CPS1: variants seen among roughly 807,000 people sequenced by gnomAD.
The protein encoded by CPS1 is carbamoyl-phosphate synthase [ammonia], mitochondrial.
CPS1 carries 109 observed loss-of-function variants against 174.6 expected under a neutral mutation model. That is an observed-to-expected ratio of 0.62 (90% CI 0.53 to 0.73). CPS1 has a LOEUF of 0.73. CPS1 is among the 30% of genes least tolerant of loss of function. The probability of loss-of-function intolerance (pLI) is 0.00; values close to 1 mark genes in which losing one functional copy is unlikely to be tolerated. For missense variants in CPS1, 1,689 were observed against 1,821.9 expected, an observed-to-expected ratio of 0.93 and a Z score of 1.33; for synonymous variants, 637 against 632.0, an observed-to-expected ratio of 1.01 and a Z score of -0.12.
intron 1 of CPS1, among the ~76,000 whole-genome samples, chr2:210,558,425 A>G (rs1199865427): frequency 3.9e-5 from 6 of 152,088 alleles, no homozygotes; most frequent in Non-Finnish European, 8.8e-5. Context: ...ATTCTAAACT[A>G]ACATCAAAGA....
intron 3 of CPS1, 21 bp from the exon 4 acceptor site, chr2:210,577,400 A>G: frequency 6.3e-7 from 1 of 1,585,906 alleles, no homozygotes; most frequent in Non-Finnish European, 8.7e-7. Context: ...ACCTCTTTAA[A>G]ATGACTGTCT....
chr2:210,520,167 T>A (rs1451890395), intron 1 of CPS1, among the ~76,000 whole-genome samples: 1 of 152,086 alleles, frequency 6.6e-6, no homozygotes, highest in East Asian at 1.9e-4. Flanking sequence ...TTTAGAAAGT[T>A]TATTAATGTA....
chr2:210,659,298 G>A (rs534999044), intron 31 of CPS1, among the ~76,000 whole-genome samples: 7 of 152,280 alleles, frequency 4.6e-5, no homozygotes, highest in Non-Finnish European at 7.4e-5. Context: ...ATGGTGGAGA[G>A]TGGCAAGGGA....
At chr2:210,555,662 C>G (rs1479597242), upstream of CPS1, 1 of 455,592 alleles carries the variant, frequency 2.2e-6, no homozygotes, top group Admixed American at 2.4e-5. Context: ...AGGTATGAGT[C>G]TATTGCCTTT....
At chr2:210,477,743 A>T in exon 1 of CPS1, 2 of 1,613,352 alleles carry the variant, frequency 1.2e-6, no homozygotes, top group Non-Finnish European at 1.7e-6. Flanking sequence ...CATCAAATTC[A>T]TGAAGATTTA....
At chr2:210,651,516 G>T (rs1307645876) in intron 28 of CPS1, among the ~76,000 whole-genome samples, 1 of 152,144 alleles carries the variant, frequency 6.6e-6, no homozygotes, top group Non-Finnish European at 1.5e-5. Flanking sequence ...CCTGGCCAGG[G>T]GTCCTGCCAT....
At chr2:210,652,694 G>C (rs1158849008) in intron 28 of CPS1, among the ~76,000 whole-genome samples, 2 of 152,184 alleles carry the variant, frequency 1.3e-5, no homozygotes, top group Non-Finnish European at 1.5e-5. Flanking sequence ...AGGAATCCAA[G>C]TGGATATGAT....
At chr2:210,634,631 C>T (rs1014311196) in intron 21 of CPS1, among the ~76,000 whole-genome samples, 1 of 152,140 alleles carries the variant, frequency 6.6e-6, no homozygotes, top group Non-Finnish European at 1.5e-5. Context: ...AACTTGTGCA[C>T]ACTTCTCCCA....
intron 17 of CPS1, among the ~76,000 whole-genome samples, chr2:210,606,237 G>A (rs1334910559): frequency 6.6e-6 from 1 of 151,838 alleles, no homozygotes; most frequent in African/African-American, 2.4e-5. Context: ...AGCTTTGTAT[G>A]GTTGTCTGGC....
intron 1 of CPS1, among the ~76,000 whole-genome samples, chr2:210,481,773 T>C (rs1338982621): frequency 6.6e-6 from 1 of 152,272 alleles, no homozygotes; most frequent in Non-Finnish European, 1.5e-5. Context: ...TGAGTAACTG[T>C]AAGTAGAATG....
intron 1 of CPS1, among the ~76,000 whole-genome samples, chr2:210,491,994 G>C (rs968218457): frequency 6.6e-5 from 10 of 152,192 alleles, no homozygotes; most frequent in African/African-American, 2.4e-4. Context: ...ACTATTGTAA[G>C]GGAGTTGCTA....
At chr2:210,601,256 A>C (rs1415254623) in intron 15 of CPS1, among the ~76,000 whole-genome samples, 3 of 151,906 alleles carry the variant, frequency 2.0e-5, no homozygotes, top group African/African-American at 7.2e-5. Flanking sequence ...AACAGTTACC[A>C]GGAAAAAGAA....
At chr2:210,503,063 T>G (rs1278514427) in intron 1 of CPS1, among the ~76,000 whole-genome samples, 1 of 152,202 alleles carries the variant, frequency 6.6e-6, no homozygotes, top group African/African-American at 2.4e-5. Flanking sequence ...TTGGCTTTGC[T>G]AAGGTATCTC....
intron 1 of CPS1, among the ~76,000 whole-genome samples, chr2:210,524,155 T>A (rs1250667249): frequency 1.3e-5 from 2 of 152,034 alleles, no homozygotes; most frequent in Non-Finnish European, 2.9e-5. Flanking sequence ...GCTCTTTATC[T>A]TTATAAACCT....
At chr2:210,589,965 T>C (rs1698232229) in intron 7 of CPS1, 141 bp from the exon 8 acceptor site, 2 of 1,122,990 alleles carry the variant, frequency 1.8e-6, no homozygotes, top group Non-Finnish European at 2.6e-6. Context: ...AAAGAAATTT[T>C]TGCTCAGCAT....
intron 16 of CPS1, among the ~76,000 whole-genome samples, chr2:210,603,564 T>C (rs373276888): frequency 4.6e-5 from 7 of 152,048 alleles, no homozygotes; most frequent in Admixed American, 3.3e-4. Flanking sequence ...ATTTTCAATA[T>C]TAACAACTTC....
intron 1 of CPS1, among the ~76,000 whole-genome samples, chr2:210,561,296 T>A (rs933303040): frequency 6.6e-6 from 1 of 152,092 alleles, no homozygotes; most frequent in African/African-American, 2.4e-5. Context: ...CCTAAGCACA[T>A]CACTCAGTAC....
chr2:210,497,457 G>A (rs1022209266), intron 1 of CPS1, among the ~76,000 whole-genome samples: 1 of 152,038 alleles, frequency 6.6e-6, no homozygotes, highest in Admixed American at 6.6e-5. Flanking sequence ...GGTATATTGT[G>A]TGATGCCGAG....
chr2:210,635,164 C>CA (rs1315406014), intron 21 of CPS1, among the ~76,000 whole-genome samples: 1 of 152,054 alleles, frequency 6.6e-6, no homozygotes, highest in African/African-American at 2.4e-5. Context: ...AGGCTGGTCT[C>CA]AAACTCCTGA....
Sources: gnomAD v4.1 joint callset for allele counts (sites outside exome capture counted in the v4.1 genomes callset) on GRCh38, gnomAD v4.1.1 for gene constraint, MANE v1.5 for transcripts, NCBI Gene and HGNC (gene_info 2026-07-23, HGNC 2026-07-21) for gene names.